ZNF148: variants seen among roughly 807,000 people sequenced by gnomAD.
The protein encoded by ZNF148 is Beta-Enolase Repressor Factor-1.
In ZNF148, 7 loss-of-function variants were observed where a neutral mutation model predicts 67.7. The ratio of observed to expected loss-of-function variants is 0.10; its 90% CI spans 0.06 to 0.19. The LOEUF (loss-of-function observed/expected upper bound fraction) is 0.19, where lower values mean the gene tolerates loss of function less well. ZNF148 is among the 10% of genes least tolerant of loss of function. The probability of loss-of-function intolerance (pLI) is 1.00; values close to 1 mark genes in which losing one functional copy is unlikely to be tolerated. For synonymous variants in ZNF148, 333 were observed against 330.7 expected, an observed-to-expected ratio of 1.01 and a Z score of -0.08; for missense variants, 583 against 947.1, an observed-to-expected ratio of 0.62 and a Z score of 5.05.
At chr3:125,234,069 T>C (rs914354039) in intron 8 of ZNF148, 130 bp from the exon 9 acceptor site, 160 of 1,303,368 alleles carry the variant, frequency 1.2e-4, no homozygotes, top group Middle Eastern at 2.7e-4. Flanking sequence ...ACAAATTCAC[T>C]GAGCCAATTT....
Position 125,374,682 on chromosome 3 carries a change from T to C in ZNF148, c.-234+420A>G, listed in dbSNP as rs1350406372. 2.6e-5 allele frequency among the ~76,000 whole-genome samples: 4 copies of C among 151,886 alleles called. No individual in the cohort carries two copies. In the East Asian group the frequency reaches 7.8e-4, roughly 29 times the overall value. On this transcript the variant is annotated intron_variant, in intron 1 of 8. Coordinates refer to ENST00000360647, the MANE Select transcript of ZNF148 (RefSeq NM_021964.3). ...AAAGAGCACACTCCGGCAGCAACAG[T>C]GACTGAGGCCTGCGGTGCATAAAGC...
At chr3:125,262,971 A>G (rs915238297) in intron 7 of ZNF148, among the ~76,000 whole-genome samples, 1 of 152,258 alleles carries the variant, frequency 6.6e-6, no homozygotes. Context: ...TAGTTCAACT[A>G]AACTATTCTG....
In ZNF148 at chr3:125,232,654, C is replaced by T. The variant is rs1037872862; in HGVS notation, c.2072G>A (p.Gly691Asp). The part of the protein sequence containing the change: ...GDSQHSFPFS[G>D]DETNHASATS... ...GGCAGAAGCATGGTTTGTCTCATCACCTGAAAAGGGAAATGAGTGCTGTGA... is the reference window on the plus strand; with the variant it reads ...GGCAGAAGCATGGTTTGTCTCATCATCTGAAAAGGGAAATGAGTGCTGTGA... The change falls in exon 9 of 9, where the codon GGT becomes GAT. Residue 691 changes from glycine to aspartate, a missense_variant. Physicochemically the swap from Gly to Asp is moderately conservative, Grantham distance 94 (BLOSUM62 -1). Around this residue, in one of 5 missense-constraint regions of ZNF148, gnomAD observed 158 missense variants for 208.4 expected, o/e 0.76. Coordinates refer to ENST00000360647, the MANE Select transcript of ZNF148 (RefSeq NM_021964.3). The surrounding 1 kb of genome is among the most constrained non-coding windows in gnomAD (Gnocchi z 4.2). 6.8e-6 allele frequency: 11 copies of T among 1,613,682 alleles called. No individual in the cohort carries two copies. In the African/African-American group the frequency reaches 1.2e-4, roughly 18 times the overall value.
At chr3:125,272,922 A>C (rs1445739248) in intron 7 of ZNF148, among the ~76,000 whole-genome samples, 2 of 152,204 alleles carry the variant, frequency 1.3e-5, no homozygotes, top group Admixed American at 1.3e-4. Flanking sequence ...AGCAATCACA[A>C]TGCCAGGAGC....
intron 7 of ZNF148, among the ~76,000 whole-genome samples, chr3:125,247,949 G>C (rs1265778648): frequency 1.3e-5 from 2 of 152,046 alleles, no homozygotes; most frequent in Non-Finnish European, 2.9e-5. Flanking sequence ...TCCAAAATAA[G>C]CTGAACACCA....
At chr3:125,351,800 T>C (rs1309870841) in intron 1 of ZNF148, among the ~76,000 whole-genome samples, 1 of 152,100 alleles carries the variant, frequency 6.6e-6, no homozygotes, top group African/African-American at 2.4e-5. Context: ...GAAATGATGC[T>C]CCACAGCATT....
At chr3:125,276,437 A>T (rs569417794) in intron 7 of ZNF148, among the ~76,000 whole-genome samples, 58 of 148,648 alleles carry the variant, frequency 3.9e-4, no homozygotes, top group Admixed American at 9.3e-4. Context: ...TATTTATTTT[A>T]TTTATTTATT....
intron 7 of ZNF148, among the ~76,000 whole-genome samples, chr3:125,264,292 C>T (rs544777804): frequency 2.6e-5 from 4 of 152,156 alleles, no homozygotes; most frequent in Non-Finnish European, 5.9e-5. Flanking sequence ...GATTGGCATC[C>T]GAAGAGGGGG....
chr3:125,315,274 T>C (rs1940430008), intron 3 of ZNF148, among the ~76,000 whole-genome samples: 1 of 151,996 alleles, frequency 6.6e-6, no homozygotes, highest in Non-Finnish European at 1.5e-5. Flanking sequence ...AGTCAAAAAC[T>C]CCATATCCTT....
At chr3:125,362,227 A>C (rs1457744147) in intron 1 of ZNF148, among the ~76,000 whole-genome samples, 1 of 152,070 alleles carries the variant, frequency 6.6e-6, no homozygotes, top group East Asian at 1.9e-4. Context: ...AAATACTCGA[A>C]CCCTTCTATA....
intron 1 of ZNF148, among the ~76,000 whole-genome samples, chr3:125,332,215 T>C (rs1403328957): frequency 6.6e-6 from 1 of 152,188 alleles, no homozygotes; most frequent in Non-Finnish European, 1.5e-5. Context: ...GTCAGTAGCT[T>C]TGTTATTGAG....
chr3:125,343,074 T>G (rs1001429915), intron 1 of ZNF148, among the ~76,000 whole-genome samples: 5 of 152,210 alleles, frequency 3.3e-5, no homozygotes, highest in Non-Finnish European at 7.3e-5. Flanking sequence ...TAATTTATAT[T>G]AAACCAGAAA....
rs376884186 is a variant in ZNF148, at chr3:125,233,363, T to C, written c.1363A>G (p.Ser455Gly). The C allele has an allele frequency of 3.6e-5, 58 of 1,613,868 alleles. No individual in the cohort carries two copies. Among genetic ancestry groups the C allele is most frequent in the Non-Finnish European group, 4.8e-5 (57 of 1,179,916 alleles). Residue 455 changes from serine to glycine, a missense_variant, in exon 9 of 9, where the codon AGT becomes GGT. Coordinates refer to ENST00000360647, the MANE Select transcript of ZNF148 (RefSeq NM_021964.3). The surrounding 1 kb of genome is among the most constrained non-coding windows in gnomAD (Gnocchi z 5.1). The part of the protein sequence containing the change: ...DQVDNLQEGP[S>G]KPVHSSTNYD... ...TTAGTACTACTATGCACAGGTTTAC[T>C]GGGCCCCTCCTGCAAATTATCAACC...
intron 4 of ZNF148, among the ~76,000 whole-genome samples, chr3:125,299,765 A>T (rs967074240): frequency 6.8e-4 from 103 of 152,272 alleles, no homozygotes; most frequent in African/African-American, 2.4e-3. Flanking sequence ...AAGGAATAGC[A>T]CTCAGTCCAT....
At chr3:125,317,662 T>TATATATATATATATAGAGAG (rs752542874) in intron 3 of ZNF148, among the ~76,000 whole-genome samples, 1 of 90,024 alleles carries the variant, frequency 1.1e-5, no homozygotes, top group Non-Finnish European at 2.2e-5. Flanking sequence ...TATATATATA[T>TATATATATATATATAGAGAG]AGAGAGAGAG....
intron 7 of ZNF148, among the ~76,000 whole-genome samples, chr3:125,256,255 C>G (rs997725932): frequency 3.9e-5 from 6 of 151,902 alleles, no homozygotes; most frequent in African/African-American, 1.4e-4. Flanking sequence ...GTAGTCCCAG[C>G]TACTCGGGAG....
At chr3:125,344,743 T>C in intron 1 of ZNF148, 1 of 537,582 alleles carries the variant, frequency 1.9e-6, no homozygotes, top group Non-Finnish European at 3.5e-6. Flanking sequence ...GCTTTTTTAA[T>C]ATCCTTGGGT....
intron 3 of ZNF148, among the ~76,000 whole-genome samples, chr3:125,322,604 C>T (rs1462737302): frequency 6.6e-6 from 1 of 152,142 alleles, no homozygotes; most frequent in Non-Finnish European, 1.5e-5. Context: ...TAACCATCCT[C>T]GCCCACAATA....
chr3:125,283,092 G>C (rs181521314), intron 5 of ZNF148, among the ~76,000 whole-genome samples: 3 of 152,206 alleles, frequency 2.0e-5, no homozygotes, highest in Admixed American at 6.5e-5. Flanking sequence ...TGGGGATGGA[G>C]AATGACAGCT....
Sources: gnomAD v4.1 joint callset for allele counts (sites outside exome capture counted in the v4.1 genomes callset) on GRCh38, gnomAD v4.1.1 for gene constraint, gnomAD v4.1.1 regional missense constraint, Gnocchi (gnomAD v3.1) non-coding constraint, MANE v1.5 for transcripts, NCBI Gene and HGNC (gene_info 2026-07-23, HGNC 2026-07-21) for gene names.